The following FZD3 variants were observed in gnomAD, a reference collection of about 807,000 sequenced individuals.
FZD3 encodes frizzled-3.
FZD3 carries 30 observed loss-of-function variants against 60.7 expected under a neutral mutation model. That is an observed-to-expected ratio of 0.49 (90% CI 0.37 to 0.67). The LOEUF (loss-of-function observed/expected upper bound fraction) is 0.67, where lower values mean the gene tolerates loss of function less well. Ranked by LOEUF, FZD3 falls within the 30% of genes least tolerant of loss-of-function variation. FZD3 has a pLI of 0.00. For missense variants in FZD3, 605 were observed against 838.7 expected (o/e 0.72, Z 3.44); for synonymous variants, 246 against 275.2 (o/e 0.89, Z 1.05).
intron 5 of FZD3, chr8:28,530,570 T>C (rs537736663): frequency 6.6e-6 from 1 of 152,300 alleles, no homozygotes; most frequent in South Asian, 2.1e-4. Context: ...GTTGCTACCA[T>C]TATTTACATA....
chr8:28,517,115 T>G (rs1356860586), intron 3 of FZD3, among the ~76,000 whole-genome samples: 2 of 152,234 alleles, frequency 1.3e-5, no homozygotes, highest in Admixed American at 6.5e-5. Context: ...TAAAGAACTT[T>G]CAAGCATTTC....
At chr8:28,537,611 G>A (rs73559435) in intron 5 of FZD3, among the ~76,000 whole-genome samples, 3,314 of 152,260 alleles carry the variant, frequency 0.022, 110 homozygotes, top group African/African-American at 0.075. Flanking sequence ...TTCCAATAAA[G>A]CTTTATTTGT....
At chr8:28,538,853 A>G (rs1237409988) in intron 5 of FZD3, among the ~76,000 whole-genome samples, 1 of 148,968 alleles carries the variant, frequency 6.7e-6, no homozygotes, top group Non-Finnish European at 1.5e-5. Context: ...TATATGTTAT[A>G]TATTTTATAT....
At chr8:28,508,236 T>C (rs1804192430) in intron 3 of FZD3, among the ~76,000 whole-genome samples, 1 of 151,998 alleles carries the variant, frequency 6.6e-6, no homozygotes, top group Non-Finnish European at 1.5e-5. Context: ...TGTTTAACAG[T>C]TTCTTTTCTT....
intron 7 of FZD3, among the ~76,000 whole-genome samples, chr8:28,561,045 C>G (rs1305909795): frequency 6.6e-6 from 1 of 151,750 alleles, no homozygotes; most frequent in Non-Finnish European, 1.5e-5. Flanking sequence ...TTTTGCTTTC[C>G]TGAAACAAAA....
At position 28,570,841 on chromosome 8, in the gene FZD3, A is replaced by T. The variant is rs1447595929; in HGVS notation, c.*7830A>T. On this transcript the variant is annotated 3_prime_UTR_variant, in exon 8 of 8. Transcript: ENST00000240093. Reference sequence around the variant, plus strand: ...TGTTGGGTTAGGATCTGATGAGTAGAGAATAGTGGAAAGTTGATATAGGAA... The same window carrying T: ...TGTTGGGTTAGGATCTGATGAGTAGTGAATAGTGGAAAGTTGATATAGGAA... 3 of 151,980 alleles carry T rather than the reference A, an allele frequency of 2.0e-5. No homozygotes were observed. The highest frequency in any genetic ancestry group is 2.0e-4 in the Admixed American group (3 of 15,252). 9.4% of individuals were successfully genotyped at this position (151,980 alleles called of 1,614,324 possible). A position where few individuals can be genotyped will look rare whatever the true frequency, so the allele number is the denominator to read the frequency against.
At chr8:28,524,513 T>C (rs1222767789) in intron 4 of FZD3, among the ~76,000 whole-genome samples, 4 of 152,238 alleles carry the variant, frequency 2.6e-5, no homozygotes, top group East Asian at 1.9e-4. Flanking sequence ...TCCTTCAACC[T>C]CAGCCTGTCC....
Position 28,567,983 on chromosome 8 carries a change from G to A in FZD3, c.*4972G>A, listed in dbSNP as rs1374426531. 1 of 152,020 alleles carries A rather than the reference G, an allele frequency of 6.6e-6. No individual in the cohort carries two copies. Among genetic ancestry groups the A allele is most frequent in the Non-Finnish European group, 1.5e-5 (1 of 67,988 alleles). The allele number at this position is 152,020 out of a possible 1,614,324, so 9.4% of individuals were successfully genotyped here. ...GGCTTTTATGTACCTCATTTTTTCTGATTGAGAAAAAGTTTTGAAAAAGTG... is the reference window on the plus strand; with the variant it reads ...GGCTTTTATGTACCTCATTTTTTCTAATTGAGAAAAAGTTTTGAAAAAGTG... On this transcript the variant is annotated 3_prime_UTR_variant, in exon 8 of 8. Transcript: ENST00000240093.
intron 6 of FZD3, among the ~76,000 whole-genome samples, chr8:28,552,286 A>C (rs1202041846): frequency 6.6e-6 from 1 of 152,218 alleles, no homozygotes; most frequent in Non-Finnish European, 1.5e-5. Context: ...CTAATATAGT[A>C]CGTTAAAGCC....
intron 5 of FZD3, among the ~76,000 whole-genome samples, chr8:28,534,898 C>T (rs1021543786): frequency 6.6e-6 from 1 of 152,100 alleles, no homozygotes; most frequent in Non-Finnish European, 1.5e-5. Flanking sequence ...TTATAGAACA[C>T]TTAGTAGGCG....
At chr8:28,500,720 G>A (rs915023806) in intron 2 of FZD3, among the ~76,000 whole-genome samples, 7 of 152,070 alleles carry the variant, frequency 4.6e-5, no homozygotes, top group African/African-American at 1.4e-4. Flanking sequence ...TGCGCTGCAT[G>A]GTAATTAAGA....
In FZD3 at chr8:28,563,117, C is replaced by A; in HGVS notation, c.*106C>A. 1.3e-6 allele frequency: 1 copy of A among 766,316 alleles called. No homozygotes were observed. The highest frequency in any genetic ancestry group is 2.3e-6 in the Non-Finnish European group (1 of 429,648). 47.5% of individuals were successfully genotyped at this position (766,316 alleles called of 1,614,324 possible). On this transcript the variant is annotated 3_prime_UTR_variant, in exon 8 of 8. Transcript: ENST00000240093. ...AACTCACAGTTAACATGCTTTCAGT[C>A]AAGTACAGATTGTGTCCACTGGAAA... is the stretch of plus-strand genomic sequence containing the variant.
At chr8:28,495,348 A>ACGC (rs1803816420) in intron 1 of FZD3, among the ~76,000 whole-genome samples, 1 of 152,166 alleles carries the variant, frequency 6.6e-6, no homozygotes, top group African/African-American at 2.4e-5. Flanking sequence ...GTTGAGGGAG[A>ACGC]TGCAGCAGCA....
At chr8:28,558,849 A>G (rs1414392911) in intron 7 of FZD3, among the ~76,000 whole-genome samples, 1 of 152,354 alleles carries the variant, frequency 6.6e-6, no homozygotes, top group South Asian at 2.1e-4. Flanking sequence ...TATGCATTCT[A>G]GGAGCATATA....
chr8:28,544,278 G>C (rs973552091), intron 5 of FZD3, among the ~76,000 whole-genome samples: 1 of 152,046 alleles, frequency 6.6e-6, no homozygotes, highest in Non-Finnish European at 1.5e-5. Context: ...TTAAGAAGTA[G>C]TAGTATGCCA....
chr8:28,564,240 A>G lies in FZD3; in HGVS notation c.*1229A>G, dbSNP rs1299278358. 2 of 152,268 alleles carry G rather than the reference A, an allele frequency of 1.3e-5. No individual in the cohort carries two copies. The highest frequency in any genetic ancestry group is 2.4e-5 in the African/African-American group (1 of 41,460). The allele number at this position is 152,268 out of a possible 1,614,324, so 9.4% of individuals were successfully genotyped here. A position where few individuals can be genotyped will look rare whatever the true frequency, so the allele number is the denominator to read the frequency against. ...AAAATGTTTATCTGATAATGTTTAAATAATTTACAATATAAACTGTAAAAC... is the reference window on the plus strand; with the variant it reads ...AAAATGTTTATCTGATAATGTTTAAGTAATTTACAATATAAACTGTAAAAC... On this transcript the variant is annotated 3_prime_UTR_variant, in exon 8 of 8. Coordinates refer to ENST00000240093, the MANE Select transcript of FZD3 (RefSeq NM_017412.4).
chr8:28,544,389 T>C (rs1805246867), intron 5 of FZD3, among the ~76,000 whole-genome samples: 1 of 152,176 alleles, frequency 6.6e-6, no homozygotes, highest in African/African-American at 2.4e-5. Flanking sequence ...TTGTGTTTTC[T>C]ATCTAGTTGA....
At chr8:28,516,700 G>A (rs754626364) in intron 3 of FZD3, among the ~76,000 whole-genome samples, 5 of 151,914 alleles carry the variant, frequency 3.3e-5, no homozygotes, top group Admixed American at 6.6e-5. Context: ...AATTTTCATT[G>A]ATCTACTTGG....
At chr8:28,503,526 A>T (rs1053720482) in intron 3 of FZD3, among the ~76,000 whole-genome samples, 1 of 152,196 alleles carries the variant, frequency 6.6e-6, no homozygotes. Flanking sequence ...GTCAATGCGA[A>T]TTATCTGTTC....
Sources: gnomAD v4.1 joint callset for allele counts (sites outside exome capture counted in the v4.1 genomes callset) on GRCh38, gnomAD v4.1.1 for gene constraint, MANE v1.5 for transcripts, NCBI Gene and HGNC (gene_info 2026-07-23, HGNC 2026-07-21) for gene names.